The following FBXW4 variants were observed in gnomAD, a reference collection of about 807,000 sequenced individuals.
The protein encoded by FBXW4 is F-box/WD repeat-containing protein 4.
Under a neutral mutation model 61.8 loss-of-function variants are expected in FBXW4, and 40 were observed. The observed-to-expected ratio is 0.65, with a 90% CI of 0.50 to 0.84. The LOEUF (loss-of-function observed/expected upper bound fraction) is 0.84. Ranked by LOEUF, FBXW4 falls within the 40% of genes least tolerant of loss-of-function variation. The pLI, the probability that FBXW4 is intolerant of heterozygous loss-of-function variation, is 0.00. For synonymous variants in FBXW4, 311 were observed against 313.8 expected (o/e 0.99, Z 0.10); for missense variants, 672 against 753.8 (o/e 0.89, Z 1.27).
rs1056290608 is a variant in FBXW4, at chr10:101,681,757, T to C, written c.726-5321A>G. Among the ~76,000 whole-genome samples the C allele has an allele frequency of 7.5e-5, 11 of 145,712 alleles. No homozygotes were observed. The South Asian group carries it at 8.7e-4, about 11-fold the overall frequency. On this transcript the variant is annotated intron_variant, in intron 1 of 8. Transcript: ENST00000331272. The stretch of plus-strand genomic sequence containing the variant: ...ATAATAATAATAATAATAATAATAA[T>C]AACAGGTCTAAAGATGTTAATAGAT...
chr10:101,624,473 G>A (rs888978013), intron 6 of FBXW4, among the ~76,000 whole-genome samples: 1 of 152,196 alleles, frequency 6.6e-6, no homozygotes, highest in Non-Finnish European at 1.5e-5. Flanking sequence ...AGCCACATAG[G>A]CATTCCTCAG....
chr10:101,622,592 G>C (rs2063875597), intron 6 of FBXW4, among the ~76,000 whole-genome samples: 2 of 152,002 alleles, frequency 1.3e-5, no homozygotes, highest in Admixed American at 1.3e-4. Flanking sequence ...GCCAGGTGTG[G>C]TGGCAGGTAC....
At chr10:101,653,714 A>G (rs1589761752) in intron 5 of FBXW4, among the ~76,000 whole-genome samples, 2 of 152,204 alleles carry the variant, frequency 1.3e-5, no homozygotes, top group Admixed American at 1.3e-4. Flanking sequence ...GTTTCAGTAC[A>G]TGCATTGTTT....
chr10:101,663,382 C>G (rs1275151621), intron 5 of FBXW4, among the ~76,000 whole-genome samples: 2 of 152,180 alleles, frequency 1.3e-5, no homozygotes, highest in Non-Finnish European at 2.9e-5. Context: ...GATGGAAAGT[C>G]AAAGGGAATG....
chr10:101,648,477 G>A (rs1393903037), intron 5 of FBXW4, among the ~76,000 whole-genome samples: 3 of 152,084 alleles, frequency 2.0e-5, no homozygotes, highest in African/African-American at 7.2e-5. Context: ...AGTTTTCTGG[G>A]GACTGATTAT....
intron 5 of FBXW4, among the ~76,000 whole-genome samples, chr10:101,664,690 T>C (rs11191080): frequency 1.3e-5 from 2 of 152,290 alleles, no homozygotes; most frequent in East Asian, 3.9e-4. Context: ...TTGACAGCAG[T>C]TGAAGCCACT....
rs921515216 is a variant in FBXW4, at chr10:101,644,666, G to A, written c.1236-19856C>T. On this transcript the variant is annotated intron_variant, in intron 5 of 8. Coordinates refer to ENST00000331272, the MANE Select transcript of FBXW4 (RefSeq NM_022039.4). ...AGCTTCAGGGAAAAAGATTCTCCCA[G>A]AAATGCCACAGACCTTTCAGAGCCC... Among the ~76,000 whole-genome samples, 5 of 152,128 alleles carry A rather than the reference G, an allele frequency of 3.3e-5. No homozygotes were observed. The South Asian group carries it at 6.2e-4, about 19-fold the overall frequency.
At chr10:101,680,719 A>C (rs1393920130) in intron 1 of FBXW4, among the ~76,000 whole-genome samples, 1 of 152,246 alleles carries the variant, frequency 6.6e-6, no homozygotes, top group East Asian at 1.9e-4. Flanking sequence ...CATGTTGCTT[A>C]TAGCACATTC....
At chr10:101,640,348 T>C (rs2064039899) in intron 5 of FBXW4, among the ~76,000 whole-genome samples, 2 of 152,178 alleles carry the variant, frequency 1.3e-5, no homozygotes, top group South Asian at 2.1e-4. Flanking sequence ...CTTCAGAGAT[T>C]TGGTCCCTTG....
chr10:101,629,368 C>G (rs2063932711), intron 5 of FBXW4, among the ~76,000 whole-genome samples: 1 of 151,948 alleles, frequency 6.6e-6, no homozygotes, highest in Admixed American at 6.6e-5. Context: ...CATGCAACCT[C>G]TATCTCCCAG....
At position 101,695,130 on chromosome 10, in the gene FBXW4, G is replaced by A; in HGVS notation, c.-25C>T. 1.0e-6 allele frequency: 1 copy of A among 985,088 alleles called. No homozygotes were observed. Among genetic ancestry groups the A allele is most frequent in the Non-Finnish European group, 1.2e-6 (1 of 830,016 alleles). 61.0% of individuals were successfully genotyped at this position (985,088 alleles called of 1,614,324 possible). A position where few individuals can be genotyped will look rare whatever the true frequency, so the allele number is the denominator to read the frequency against. On this transcript the variant is annotated 5_prime_UTR_variant, in exon 1 of 9. Coordinates refer to ENST00000331272, the MANE Select transcript of FBXW4 (RefSeq NM_022039.4). This position sits in a 1 kb window ranked among gnomAD's most constrained non-coding sequence, Gnocchi z 4.2. ...TGAGCGGCCGCGGGGCCGGCCCGACGCGGAGCCCAGCCCGAGCCGCCACCG... is the reference window on the plus strand; with the variant it reads ...TGAGCGGCCGCGGGGCCGGCCCGACACGGAGCCCAGCCCGAGCCGCCACCG...
At chr10:101,675,251 G>A (rs2064396603) in intron 2 of FBXW4, among the ~76,000 whole-genome samples, 1 of 152,114 alleles carries the variant, frequency 6.6e-6, no homozygotes, top group Non-Finnish European at 1.5e-5. Flanking sequence ...CCCCTTGCGT[G>A]AGTGTGTGGC....
At chr10:101,624,977 G>A (rs1589744100) in intron 5 of FBXW4, 167 bp from the exon 6 acceptor site, 1 of 721,610 alleles carries the variant, frequency 1.4e-6, no homozygotes, top group East Asian at 2.7e-5. Context: ...AGACATCTTG[G>A]AGCACTGTGA....
At chr10:101,624,610 C>A in intron 6 of FBXW4, 135 bp downstream of exon 6, 1 of 841,728 alleles carries the variant, frequency 1.2e-6, no homozygotes, top group Non-Finnish European at 2.0e-6. Context: ...GAGAAGGCAC[C>A]ACAGCAGAGG....
chr10:101,622,155 CAAAA>C (rs147071681), intron 6 of FBXW4, among the ~76,000 whole-genome samples: 1 of 99,410 alleles, frequency 1.0e-5, no homozygotes, highest in South Asian at 3.9e-4. Flanking sequence ...ATGGATTTTT[CAAAA>C]AAAAAAAAAA....
chr10:101,637,849 G>A (rs947136273), intron 5 of FBXW4, among the ~76,000 whole-genome samples: 1 of 152,032 alleles, frequency 6.6e-6, no homozygotes, highest in Non-Finnish European at 1.5e-5. Context: ...TTTGACCCCA[G>A]CCGTGTGGTC....
intron 5 of FBXW4, among the ~76,000 whole-genome samples, chr10:101,647,936 C>T (rs559984859): frequency 1.3e-5 from 2 of 152,208 alleles, no homozygotes; most frequent in South Asian, 4.1e-4. Context: ...GTGGAAAAGC[C>T]AAAGAGCTTA....
At position 101,667,331 on chromosome 10, in the gene FBXW4, C is replaced by T. The variant is rs1325394092; in HGVS notation, c.1235+555G>A. Among the ~76,000 whole-genome samples the T allele has an allele frequency of 2.6e-5, 4 of 152,006 alleles. No homozygotes were observed. In the East Asian group the frequency reaches 7.7e-4, roughly 29 times the overall value. On this transcript the variant is annotated intron_variant, in intron 5 of 8. Transcript: ENST00000331272. ...ATCAGACCAAAGGGTACAGTAAAGC[C>T]ATCATCAAAATTTCACACTTTTGCT...
chr10:101,638,799 C>T (rs547719656), intron 5 of FBXW4, among the ~76,000 whole-genome samples: 5 of 152,310 alleles, frequency 3.3e-5, no homozygotes, highest in South Asian at 2.1e-4. Flanking sequence ...CCCTTTACCT[C>T]GATGGCTTTC....
Sources: gnomAD v4.1 joint callset for allele counts (sites outside exome capture counted in the v4.1 genomes callset) on GRCh38, gnomAD v4.1.1 for gene constraint, Gnocchi (gnomAD v3.1) non-coding constraint, MANE v1.5 for transcripts, NCBI Gene and HGNC (gene_info 2026-07-23, HGNC 2026-07-21) for gene names.